The following NF1 variants were observed in gnomAD, a reference collection of about 807,000 sequenced individuals.
NF1 encodes the protein neurofibromin 1, also known as neurofibromin.
NF1 carries 122 observed loss-of-function variants against 325.7 expected under a neutral mutation model. The ratio of observed to expected loss-of-function variants is 0.37; its 90% CI spans 0.32 to 0.44. The LOEUF (loss-of-function observed/expected upper bound fraction) is 0.44, where lower values mean the gene tolerates loss of function less well. Among genes scored for constraint, NF1 ranks in the 20% least tolerant of loss-of-function variants. The pLI is 1.00. For synonymous variants in NF1, 1,091 were observed against 1,186.0 expected (o/e 0.92, Z 1.65); for missense variants, 2,140 against 3,415.4 (o/e 0.63, Z 9.31).
intron 5 of NF1, among the ~76,000 whole-genome samples, chr17:31,175,301 T>G (rs1009872647): frequency 1.3e-5 from 2 of 148,976 alleles, no homozygotes; most frequent in African/African-American, 4.9e-5. Flanking sequence ...AATGATAGAA[T>G]CATTGATGGT....
At chr17:31,367,740 G>A (rs905699293) in intron 57 of NF1, among the ~76,000 whole-genome samples, 3 of 152,100 alleles carry the variant, frequency 2.0e-5, no homozygotes, top group East Asian at 1.9e-4. Context: ...GATGGCTCAC[G>A]CCTATAATCA....
intron 15 of NF1, 169 bp downstream of exon 15, chr17:31,222,098 G>C: frequency 1.5e-6 from 2 of 1,292,180 alleles, no homozygotes; most frequent in Non-Finnish European, 2.0e-6. Context: ...TGTTTTAACT[G>C]TAAGAAAAGT....
chr17:31,172,653 A>T (rs1342583283), intron 5 of NF1, among the ~76,000 whole-genome samples: 2 of 152,150 alleles, frequency 1.3e-5, no homozygotes, highest in Non-Finnish European at 2.9e-5. Context: ...TCAAAGTCAC[A>T]GAGCTAGTAA....
At chr17:31,159,468 A>G (rs966174605) in intron 3 of NF1, among the ~76,000 whole-genome samples, 3 of 152,182 alleles carry the variant, frequency 2.0e-5, no homozygotes, top group African/African-American at 4.8e-5. Flanking sequence ...TCCTATATGA[A>G]TATGATTTTA....
At chr17:31,214,284 A>G (rs923699480) in intron 12 of NF1, among the ~76,000 whole-genome samples, 167 bp from the exon 13 acceptor site, 3 of 152,172 alleles carry the variant, frequency 2.0e-5, no homozygotes, top group Non-Finnish European at 4.4e-5. Flanking sequence ...TAAGCTTAAT[A>G]ATACTGACCT....
intron 36 of NF1, among the ~76,000 whole-genome samples, chr17:31,311,900 C>A (rs2068886300): frequency 6.6e-6 from 1 of 152,154 alleles, no homozygotes; most frequent in Non-Finnish European, 1.5e-5. Context: ...GTGGGAATTA[C>A]ACGTAAATAA....
chr17:31,120,607 T>C (rs957979109), intron 1 of NF1, among the ~76,000 whole-genome samples: 3 of 152,170 alleles, frequency 2.0e-5, no homozygotes, highest in Admixed American at 2.0e-4. Flanking sequence ...TTTTTTCTCT[T>C]GCCTGATTGC....
chr17:31,364,082 A>G (rs2070460764), intron 57 of NF1, among the ~76,000 whole-genome samples: 1 of 152,146 alleles, frequency 6.6e-6, no homozygotes. Context: ...ATATCAAAAA[A>G]CCAAAAGAAA....
intron 36 of NF1, among the ~76,000 whole-genome samples, chr17:31,292,122 A>G (rs2068354732): frequency 6.6e-6 from 1 of 152,248 alleles, no homozygotes; most frequent in Admixed American, 6.5e-5. Context: ...GAGCAGTGAA[A>G]TAACTTGTCT....
At chr17:31,370,376 A>G (rs1249541954) in intron 57 of NF1, among the ~76,000 whole-genome samples, 1 of 152,208 alleles carries the variant, frequency 6.6e-6, no homozygotes, top group African/African-American at 2.4e-5. Flanking sequence ...TCATTCTAAG[A>G]TAGATAACCA....
intron 16 of NF1, 115 bp from the exon 17 acceptor site, chr17:31,224,980 G>A (rs1331031353): frequency 7.6e-6 from 8 of 1,054,192 alleles, no homozygotes; most frequent in East Asian, 2.4e-5. Flanking sequence ...GGGGCATAGA[G>A]ATTGAGAGGA....
intron 29 of NF1, among the ~76,000 whole-genome samples, chr17:31,245,002 T>C (rs192338426): frequency 8.7e-4 from 132 of 152,246 alleles, no homozygotes; most frequent in Middle Eastern, 3.4e-3. Context: ...TCAGAATTAG[T>C]AGAATATTCA....
chr17:31,229,706 A>G, intron 21 of NF1, 129 bp from the exon 22 acceptor site: 3 of 1,194,144 alleles, frequency 2.5e-6, no homozygotes, highest in South Asian at 2.5e-5. Flanking sequence ...GTATATCTGT[A>G]TGCTTATTTG....
chr17:31,098,517 A>G (rs1211888467), intron 1 of NF1, among the ~76,000 whole-genome samples: 1 of 152,102 alleles, frequency 6.6e-6, no homozygotes, highest in Non-Finnish European at 1.5e-5. Context: ...GGCGCCTGCC[A>G]CCACTCCTGG....
At chr17:31,368,159 C>CG (rs1193683627) in intron 57 of NF1, among the ~76,000 whole-genome samples, 1 of 152,084 alleles carries the variant, frequency 6.6e-6, no homozygotes, top group Non-Finnish European at 1.5e-5. Context: ...CTTTTTGAGA[C>CG]GGAGTCTCTC....
At chr17:31,184,642 C>T (rs375110078) in intron 8 of NF1, among the ~76,000 whole-genome samples, 9 of 138,510 alleles carry the variant, frequency 6.5e-5, no homozygotes, top group African/African-American at 7.8e-5. Context: ...AGCGAGACTC[C>T]GTCTCAAAAA....
At chr17:31,249,935 TTG>T in intron 30 of NF1, 1 of 486,832 alleles carries the variant, frequency 2.1e-6, no homozygotes, top group Non-Finnish European at 4.1e-6. Flanking sequence ...ACCCATGTCT[TTG>T]TGTCTCTCTC....
chr17:31,231,347 T>C (rs1053874168), intron 24 of NF1, among the ~76,000 whole-genome samples: 2 of 152,222 alleles, frequency 1.3e-5, no homozygotes, highest in African/African-American at 4.8e-5. Flanking sequence ...TCTGCTTTAA[T>C]GATACTTATT....
chr17:31,243,154 TAAAC>T (rs767328486), intron 29 of NF1, among the ~76,000 whole-genome samples: 3 of 128,560 alleles, frequency 2.3e-5, no homozygotes, highest in Non-Finnish European at 4.9e-5. Context: ...TACTTTCCTC[TAAAC>T]AAACAGAGTC....
Sources: gnomAD v4.1 joint callset for allele counts (sites outside exome capture counted in the v4.1 genomes callset) on GRCh38, gnomAD v4.1.1 for gene constraint, MANE v1.5 for transcripts, NCBI Gene and HGNC (gene_info 2026-07-23, HGNC 2026-07-21) for gene names.